ANKMY1: variants seen among roughly 807,000 people sequenced by gnomAD.
The protein encoded by ANKMY1 is ankyrin repeat and MYND domain-containing protein 1.
Under a neutral mutation model 102.0 loss-of-function variants are expected in ANKMY1, and 98 were observed. That is an observed-to-expected ratio of 0.96 (90% confidence interval 0.82 to 1.14). ANKMY1 has a LOEUF of 1.14. Ranked by LOEUF, ANKMY1 falls within the 50% of genes most tolerant of loss-of-function variation. ANKMY1 has a pLI of 0.00. For synonymous variants in ANKMY1, 582 were observed against 559.9 expected (o/e 1.04, Z -0.56); for missense variants, 1,330 against 1,347.6 (o/e 0.99, Z 0.20).
Position 240,499,692 on chromosome 2 carries a change from G to A in ANKMY1, c.2806+266C>T, listed in dbSNP as rs2077830984. ...GCAGCAGTGCCTAGTTCTCTCCTGG[G>A]CGTGGGGCCCCTCTGACCTGGGCCC... is the stretch of plus-strand genomic sequence containing the variant. On this transcript the variant is annotated intron_variant, in intron 15 of 17. Transcript: ENST00000401804. This position sits in a 1 kb window ranked among gnomAD's most constrained non-coding sequence, Gnocchi z 4.2. Among the ~76,000 whole-genome samples, 1 of 152,022 alleles carries A rather than the reference G, an allele frequency of 6.6e-6. No homozygotes were observed. Among genetic ancestry groups the A allele is most frequent in the Non-Finnish European group, 1.5e-5 (1 of 67,956 alleles).
the ANKMY1 span, among the ~76,000 whole-genome samples, chr2:240,468,906 G>A: frequency 6.6e-6 from 1 of 152,190 alleles, no homozygotes; most frequent in East Asian, 1.9e-4. Flanking sequence ...CTCCCACAAA[G>A]CATCTGCAGC....
chr2:240,504,382 T>C (rs1575001688), intron 13 of ANKMY1, among the ~76,000 whole-genome samples: 2 of 152,214 alleles, frequency 1.3e-5, no homozygotes, highest in Admixed American at 1.3e-4. Context: ...ACTATAAAAC[T>C]CTTAGAAGAA....
chr2:240,481,868 C>T (rs1351601034), intron 16 of ANKMY1, among the ~76,000 whole-genome samples: 1 of 152,126 alleles, frequency 6.6e-6, no homozygotes, highest in East Asian at 1.9e-4. Context: ...ACTCAGCGGC[C>T]GTCTCTGGGA....
rs115904064 is a variant in ANKMY1, at chr2:240,531,938, T to C, written c.481-2429A>G. ...AATGGAAAAAATACTAAGAAAATAA[T>C]TTTAGTGGAAGAATAGCATGTTCAA... On this transcript the variant is annotated intron_variant, in intron 4 of 17. Transcript: ENST00000401804. 2.2e-3 allele frequency: 477 copies of C among 213,932 alleles called. 2 individuals carry two copies. Among genetic ancestry groups the C allele is most frequent in the African/African-American group, 0.01 (436 of 42,122 alleles). 13.3% of individuals were successfully genotyped at this position (213,932 alleles called of 1,614,324 possible). A position where few individuals can be genotyped will look rare whatever the true frequency, so the allele number is the denominator to read the frequency against.
At chr2:240,519,857 G>T (rs543465529) in intron 9 of ANKMY1, 2 of 245,100 alleles carry the variant, frequency 8.2e-6, no homozygotes, top group Non-Finnish European at 1.7e-5. Context: ...GAAGCCGTCC[G>T]CTGGGAAAGG....
chr2:240,529,031 A>G lies in ANKMY1; in HGVS notation c.953+6T>C. The G allele has an allele frequency of 3.7e-6, 6 of 1,612,734 alleles. No homozygotes were observed. The highest frequency in any genetic ancestry group is 5.1e-6 in the Non-Finnish European group (6 of 1,178,854). On this transcript the variant is annotated splice_donor_region_variant and intron_variant, in intron 5 of 17. Transcript: ENST00000401804. This position sits in a 1 kb window ranked among gnomAD's most constrained non-coding sequence, Gnocchi z 4.2. ...CCTAGGGGAGGAGCAGTAGCAGACTAGTCACCTGAACTTGTAAGTTTGCTT... is the reference window on the plus strand; with the variant it reads ...CCTAGGGGAGGAGCAGTAGCAGACTGGTCACCTGAACTTGTAAGTTTGCTT...
At chr2:240,480,889 C>A in intron 17 of ANKMY1, 48 bp downstream of exon 17, 1 of 1,582,940 alleles carries the variant, frequency 6.3e-7, no homozygotes, top group Non-Finnish European at 8.6e-7. Flanking sequence ...GCGCCTTCGC[C>A]CTCAGCAGCA....
chr2:240,532,155 G>A (rs2085567109), intron 4 of ANKMY1: 2 of 459,834 alleles, frequency 4.3e-6, no homozygotes, highest in African/African-American at 2.0e-5. Flanking sequence ...ACCAAAGAAA[G>A]ACAAAACCTC....
chr2:240,500,679 T>A, intron 13 of ANKMY1, 114 bp from the exon 14 acceptor site: 1 of 841,834 alleles, frequency 1.2e-6, no homozygotes, highest in Non-Finnish European at 1.9e-6. Context: ...AGGCCGCCCT[T>A]GCAGTGTGCG....
At chr2:240,478,453 TCC>T (rs1484980318), downstream of ANKMY1, among the ~76,000 whole-genome samples, 2 of 152,102 alleles carry the variant, frequency 1.3e-5, no homozygotes, top group African/African-American at 4.8e-5. Context: ...CCACCCAGCA[TCC>T]CAGACCCCCC....
chr2:240,520,141 C>T lies in ANKMY1; in HGVS notation c.2004+221G>A, dbSNP rs1420698863. On this transcript the variant is annotated intron_variant, in intron 9 of 17. Coordinates refer to ENST00000401804, the MANE Select transcript of ANKMY1 (RefSeq NM_001282771.3). This position sits in a 1 kb window ranked among gnomAD's most constrained non-coding sequence, Gnocchi z 4.8. ...AAAAAATCACACGGATCGTGAAGTACTCTAAAAACTAGCTCGGTGTCCAAA... is the reference window on the plus strand; with the variant it reads ...AAAAAATCACACGGATCGTGAAGTATTCTAAAAACTAGCTCGGTGTCCAAA... 4 of 775,630 alleles carry T rather than the reference C, an allele frequency of 5.2e-6. No homozygotes were observed. Among genetic ancestry groups the T allele is most frequent in the Non-Finnish European group, 6.8e-6 (3 of 441,568 alleles). 48.0% of individuals were successfully genotyped at this position (775,630 alleles called of 1,614,324 possible). A position where few individuals can be genotyped will look rare whatever the true frequency, so the allele number is the denominator to read the frequency against.
intron 15 of ANKMY1, among the ~76,000 whole-genome samples, chr2:240,492,305 AC>A (rs2076745246): frequency 1.3e-5 from 2 of 152,208 alleles, no homozygotes; most frequent in African/African-American, 4.8e-5. Context: ...CTTCATTAAT[AC>A]ATTTTCTAAT....
rs2082784226 is a variant in ANKMY1, at chr2:240,523,770, A to G, written c.1832+115T>C. 2.1e-6 allele frequency: 3 copies of G among 1,442,112 alleles called. No homozygotes were observed. In the South Asian group the frequency reaches 4.1e-5, roughly 20 times the overall value. The allele number at this position is 1,442,112 out of a possible 1,614,324, so 89.3% of individuals were successfully genotyped here. ...CAGGGATGCTCACACATTCAGACACACATCTCCAGACACAACGCCTCCCAC... is the reference window on the plus strand; with the variant it reads ...CAGGGATGCTCACACATTCAGACACGCATCTCCAGACACAACGCCTCCCAC... On this transcript the variant is annotated intron_variant, in intron 8 of 17. Transcript: ENST00000401804.
intron 13 of ANKMY1, among the ~76,000 whole-genome samples, chr2:240,505,397 G>A (rs1451599997): frequency 1.3e-5 from 2 of 151,824 alleles, no homozygotes; most frequent in Admixed American, 1.3e-4. Flanking sequence ...GAGAGGCGGA[G>A]GTTGCAATGA....
chr2:240,505,171 T>A (rs2078852741), intron 13 of ANKMY1, among the ~76,000 whole-genome samples: 1 of 149,612 alleles, frequency 6.7e-6, no homozygotes, highest in South Asian at 2.1e-4. Context: ...TTCAAAACAT[T>A]AAACGTATGG....
chr2:240,543,845 T>C (rs1395789891), intron 4 of ANKMY1, among the ~76,000 whole-genome samples: 1 of 152,184 alleles, frequency 6.6e-6, no homozygotes, highest in Non-Finnish European at 1.5e-5. Context: ...AAGGTTATGA[T>C]ATGGGGAAAT....
chr2:240,542,821 C>G (rs2089315944), intron 4 of ANKMY1, among the ~76,000 whole-genome samples: 2 of 149,032 alleles, frequency 1.3e-5, no homozygotes, highest in Admixed American at 1.3e-4. Context: ...GTAAATAAGT[C>G]CAAGCAATTT....
At chr2:240,488,084 G>A (rs1026019630) in intron 15 of ANKMY1, among the ~76,000 whole-genome samples, 6 of 151,898 alleles carry the variant, frequency 4.0e-5, no homozygotes, top group Admixed American at 2.0e-4. Context: ...CCTAAATTTT[G>A]AATATTTTTA....
chr2:240,560,518 C>G (rs932427117), upstream of ANKMY1: 1 of 1,091,446 alleles, frequency 9.2e-7, no homozygotes, highest in African/African-American at 1.6e-5. Flanking sequence ...CTGTCCCGGC[C>G]CAGCGCCCGC....
Sources: gnomAD v4.1 joint callset for allele counts (sites outside exome capture counted in the v4.1 genomes callset) on GRCh38, gnomAD v4.1.1 for gene constraint, Gnocchi (gnomAD v3.1) non-coding constraint, MANE v1.5 for transcripts, NCBI Gene and HGNC (gene_info 2026-07-23, HGNC 2026-07-21) for gene names.